The following PCDHA6 variants were observed in gnomAD, a reference collection of about 807,000 sequenced individuals.
PCDHA6 encodes the protein protocadherin alpha 6.
A neutral mutation model predicts 60.3 loss-of-function variants in PCDHA6; 55 were observed. That is an observed-to-expected ratio of 0.91 (90% CI 0.73 to 1.14). PCDHA6 has a LOEUF of 1.14. PCDHA6 is among the 50% of genes most tolerant of loss of function. The pLI is 0.00. For missense variants in PCDHA6, 1,327 were observed against 1,256.5 expected (o/e 1.06, Z -0.85); for synonymous variants, 652 against 557.9 (o/e 1.17, Z -2.38).
intron 1 of PCDHA6, chr5:140,834,765 G>T: frequency 1.2e-6 from 2 of 1,614,098 alleles, no homozygotes; most frequent in African/African-American, 1.3e-5. Context: ...GGACATTAAC[G>T]ACAACCCTCC....
At chr5:140,866,708 C>G (rs781977454) in intron 1 of PCDHA6, 2 of 152,102 alleles carry the variant, frequency 1.3e-5, no homozygotes, top group African/African-American at 2.4e-5. Flanking sequence ...ATGACGTGCA[C>G]TAGTAAGACA....
chr5:140,872,381 A>G (rs1211312378), intron 1 of PCDHA6, among the ~76,000 whole-genome samples: 2 of 152,058 alleles, frequency 1.3e-5, no homozygotes, highest in Non-Finnish European at 2.9e-5. Context: ...AATCCCAGCT[A>G]TTTGGGAGGC....
At chr5:140,863,770 G>C (rs953823411) in intron 1 of PCDHA6, 1 of 240,010 alleles carries the variant, frequency 4.2e-6, no homozygotes, top group African/African-American at 2.3e-5. Context: ...AAGCCGAGGC[G>C]GGCGGATCAC....
Position 140,829,631 on chromosome 5 carries a change from A to G in PCDHA6, c.1540A>G (p.Ser514Gly), listed in dbSNP as rs2150171714. Reference protein sequence around the residue: ...LSSYISVHAESGKVYALQPLD... With the variant: ...LSSYISVHAEGGKVYALQPLD... ...GAGCTACATTTCGGTGCACGCGGAG[A>G]GCGGCAAGGTGTACGCGCTGCAGCC... is the stretch of plus-strand genomic sequence containing the variant. Residue 514 changes from serine (S) to glycine (G), a missense_variant, in exon 1 of 4, where the codon AGC becomes GGC. By Grantham distance (56) the Ser-to-Gly change is moderately conservative. Transcript: ENST00000529310. The G allele has an allele frequency of 1.2e-6, 2 of 1,612,100 alleles. No individual in the cohort carries two copies. Among genetic ancestry groups the G allele is most frequent in the East Asian group, 2.2e-5 (1 of 44,848 alleles).
chr5:140,911,626 T>C (rs1436086231), intron 1 of PCDHA6, among the ~76,000 whole-genome samples: 5 of 152,180 alleles, frequency 3.3e-5, no homozygotes, highest in African/African-American at 1.2e-4. Context: ...TCCCCACATA[T>C]GGTCAAAGGT....
chr5:140,835,417 A>T (rs1554134958), intron 1 of PCDHA6: 19 of 1,613,960 alleles, frequency 1.2e-5, no homozygotes, highest in Non-Finnish European at 1.5e-5. Flanking sequence ...GATGTAAATG[A>T]CAATGCTCCA....
chr5:141,003,520 C>G (rs1171208921), intron 3 of PCDHA6, among the ~76,000 whole-genome samples: 2 of 152,244 alleles, frequency 1.3e-5, no homozygotes, highest in Middle Eastern at 3.4e-3. Flanking sequence ...ACCATGTTCC[C>G]TAGGCTGGTC....
At chr5:140,900,557 G>A (rs1006880033) in intron 1 of PCDHA6, among the ~76,000 whole-genome samples, 1 of 152,160 alleles carries the variant, frequency 6.6e-6, no homozygotes, top group African/African-American at 2.4e-5. Context: ...GATTACAGGC[G>A]TGAGCCACGG....
At chr5:140,962,541 A>AGTT (rs2095690394) in intron 1 of PCDHA6, among the ~76,000 whole-genome samples, 1 of 152,220 alleles carries the variant, frequency 6.6e-6, no homozygotes, top group Non-Finnish European at 1.5e-5. Flanking sequence ...AGAACTAAAA[A>AGTT]TGTAGAGGAT....
intron 1 of PCDHA6, among the ~76,000 whole-genome samples, chr5:140,962,930 C>T (rs2095720492): frequency 6.6e-6 from 1 of 152,144 alleles, no homozygotes; most frequent in Admixed American, 6.5e-5. Context: ...TACTTCTCAA[C>T]CTCCTCTCCA....
At chr5:140,977,813 C>T (rs1347788650) in intron 1 of PCDHA6, among the ~76,000 whole-genome samples, 1 of 152,192 alleles carries the variant, frequency 6.6e-6, no homozygotes, top group Non-Finnish European at 1.5e-5. Flanking sequence ...GAATTATTGA[C>T]AGTTTTGAAT....
chr5:140,854,848 A>C (rs1384152430), intron 1 of PCDHA6, among the ~76,000 whole-genome samples: 2 of 149,876 alleles, frequency 1.3e-5, no homozygotes, highest in African/African-American at 4.9e-5. Flanking sequence ...ACATTGATAA[A>C]ATTACTAGAT....
In PCDHA6 at chr5:140,828,604, A is replaced by G. The variant is rs2150157266; in HGVS notation, c.513A>G (p.Lys171=). The change falls in exon 1 of 4, where the codon AAA becomes AAG. Residue 171 remains lysine, a synonymous_variant. Transcript: ENST00000529310. ...DVGSNSILTY[K]LSSSEYFGLD... is the part of the protein sequence containing the mutation. The stretch of plus-strand genomic sequence containing the variant: ...GCTCAAATTCCATCTTAACCTATAA[A>G]CTCAGTTCTAGCGAATACTTCGGGC... 71 of 1,614,018 alleles carry G rather than the reference A, an allele frequency of 4.4e-5. 1 individual carries two copies. The highest frequency in any genetic ancestry group is 1.5e-4 in the Admixed American group (9 of 59,998).
At chr5:140,854,876 C>A (rs1221945079) in intron 1 of PCDHA6, among the ~76,000 whole-genome samples, 1 of 149,610 alleles carries the variant, frequency 6.7e-6, no homozygotes, top group Non-Finnish European at 1.5e-5. Context: ...AGAACTGTGT[C>A]TTTTGGGCAT....
chr5:140,967,828 C>T (rs2096188201), intron 1 of PCDHA6: 2 of 1,614,028 alleles, frequency 1.2e-6, no homozygotes, highest in Non-Finnish European at 1.7e-6. Flanking sequence ...TGCTGGTGGA[C>T]ATCGTGGACG....
At chr5:140,858,028 C>T (rs1192934836) in intron 1 of PCDHA6, 1 of 1,596,786 alleles carries the variant, frequency 6.3e-7, no homozygotes, top group Non-Finnish European at 8.6e-7. Context: ...CGCTGACGGC[C>T]ACGGCCACTG....
intron 1 of PCDHA6, among the ~76,000 whole-genome samples, chr5:140,831,814 A>G (rs1771713108): frequency 6.6e-6 from 1 of 152,202 alleles, no homozygotes; most frequent in Non-Finnish European, 1.5e-5. Context: ...TAAAGTTGGA[A>G]TGATAAACAC....
intron 1 of PCDHA6, among the ~76,000 whole-genome samples, chr5:140,904,259 C>T (rs2070990539): frequency 6.6e-6 from 1 of 152,066 alleles, no homozygotes. Context: ...GCTTAGCTCC[C>T]ACTTATGAAT....
intron 1 of PCDHA6, chr5:140,968,000 C>T: frequency 1.2e-6 from 2 of 1,614,234 alleles, no homozygotes; most frequent in Non-Finnish European, 8.5e-7. Context: ...GCCTTTCCGA[C>T]TGAATGGCTT....
Sources: allele counts gnomAD v4.1 joint callset (sites outside exome capture counted in the v4.1 genomes callset), GRCh38; gene constraint gnomAD v4.1.1; transcripts MANE v1.5; gene names NCBI Gene and HGNC (gene_info 2026-07-23, HGNC 2026-07-21).